The following TET2 variants were observed in gnomAD, a reference collection of about 807,000 sequenced individuals.
TET2 encodes tet methylcytosine dioxygenase 2, also known as methylcytosine dioxygenase TET2.
Under a neutral mutation model 142.9 loss-of-function variants are expected in TET2, and 299 were observed. The observed-to-expected ratio is 2.09, with a 90% CI of 1.90 to 2.30. The LOEUF (loss-of-function observed/expected upper bound fraction) is 2.30, where lower values mean the gene tolerates loss of function less well. Among genes scored for constraint, TET2 ranks in the 30% most tolerant of loss-of-function variants. TET2 has a pLI of 0.00. For missense variants in TET2, 2,418 were observed against 2,378.0 expected (o/e 1.02, Z -0.35); for synonymous variants, 819 against 849.0 (o/e 0.96, Z 0.61).
chr4:105,253,233 C>T (rs1729957409), intron 6 of TET2, among the ~76,000 whole-genome samples: 1 of 152,122 alleles, frequency 6.6e-6, no homozygotes, highest in Non-Finnish European at 1.5e-5. Flanking sequence ...CAAAATCTTG[C>T]AGGAATTTTG....
intron 1 of TET2, among the ~76,000 whole-genome samples, chr4:105,167,387 C>T (rs1283310629): frequency 1.3e-5 from 2 of 151,280 alleles, no homozygotes; most frequent in African/African-American, 2.4e-5. Flanking sequence ...TATACATATG[C>T]GTGTATATGT....
At chr4:105,214,301 ATTTTTTTTTT>A (rs35390923) in intron 2 of TET2, among the ~76,000 whole-genome samples, 3 of 86,034 alleles carry the variant, frequency 3.5e-5, no homozygotes, top group South Asian at 4.6e-4. Context: ...CCCGAGGGAG[ATTTTTTTTTT>A]TTTTTTTTTT....
chr4:105,180,615 C>T (rs1011904796), intron 1 of TET2, among the ~76,000 whole-genome samples: 5 of 151,596 alleles, frequency 3.3e-5, no homozygotes, highest in African/African-American at 4.9e-5. Flanking sequence ...CAGTATTTCA[C>T]GTTCTAATTG....
chr4:105,180,642 A>ATT (rs112365489), intron 1 of TET2, among the ~76,000 whole-genome samples: 6 of 146,874 alleles, frequency 4.1e-5, no homozygotes, highest in African/African-American at 1.5e-4. Context: ...CCATTTTATC[A>ATT]TTTTTTTTTT....
chr4:105,159,975 G>C (rs1430742205), intron 1 of TET2, among the ~76,000 whole-genome samples: 1 of 152,006 alleles, frequency 6.6e-6, no homozygotes, highest in African/African-American at 2.4e-5. Context: ...CTGCACTCCA[G>C]CCTGGCGACA....
At chr4:105,183,153 G>C (rs552275673) in intron 1 of TET2, among the ~76,000 whole-genome samples, 35 of 152,156 alleles carry the variant, frequency 2.3e-4, no homozygotes, top group African/African-American at 8.4e-4. Context: ...GTTTTAAATG[G>C]ATGCAATTAG....
chr4:105,147,220 C>G lies in TET2; in HGVS notation c.-193+241C>G, dbSNP rs577940658. ...TCTTCTCTCCTCCTAATGCTCGTCC[C>G]CTCATCTCCCAGAAAACTTACCTTT... is the stretch of plus-strand genomic sequence containing the variant. On this transcript the variant is annotated intron_variant, in intron 1 of 10. Transcript: ENST00000380013. Among the ~76,000 whole-genome samples, 4 of 152,372 alleles carry G rather than the reference C, an allele frequency of 2.6e-5. No individual in the cohort carries two copies. The South Asian group carries it at 8.3e-4, about 32-fold the overall frequency.
chr4:105,274,945 T>C (rs1444721147), intron 10 of TET2, 103 bp from the exon 11 acceptor site: 1 of 1,390,564 alleles, frequency 7.2e-7, no homozygotes, highest in African/African-American at 1.5e-5. Context: ...CGTATATCAC[T>C]AGTGGAGTTT....
intron 1 of TET2, among the ~76,000 whole-genome samples, chr4:105,155,017 C>G (rs115348879): frequency 0.031 from 4,679 of 151,648 alleles, 243 homozygotes; most frequent in African/African-American, 0.11. Flanking sequence ...AAAATGAGAC[C>G]CTCTCTCTCA....
intron 2 of TET2, among the ~76,000 whole-genome samples, chr4:105,222,654 A>G (rs1194941733): frequency 1.3e-5 from 2 of 152,062 alleles, no homozygotes; most frequent in Non-Finnish European, 2.9e-5. Flanking sequence ...ATTTTCTGCC[A>G]TTTTGTGGGT....
intron 6 of TET2, among the ~76,000 whole-genome samples, chr4:105,249,420 GT>G (rs1729753392): frequency 6.6e-6 from 1 of 152,194 alleles, no homozygotes; most frequent in Non-Finnish European, 1.5e-5. Context: ...CGGTGTACAA[GT>G]TTTTGTGTGA....
intron 1 of TET2, among the ~76,000 whole-genome samples, chr4:105,173,359 A>T (rs1724585380): frequency 7.4e-6 from 1 of 134,626 alleles, no homozygotes; most frequent in South Asian, 2.4e-4. Flanking sequence ...CTCTACTAAA[A>T]ATACAAAAAA....
intron 1 of TET2, among the ~76,000 whole-genome samples, chr4:105,163,800 A>C: frequency 7.8e-6 from 1 of 128,770 alleles, no homozygotes; most frequent in East Asian, 2.6e-4. Context: ...TGGAGCTCGA[A>C]AGTTTCGAGA....
Position 105,236,896 on chromosome 4 carries a change from C to CT in TET2, c.2955dup (p.Gly986TrpfsTer23). ...ATGCACAGGCCAATTAAGGTGGAAC[C>CT]TGGATGCAAGCCACATGCCTGTATG... is the stretch of plus-strand genomic sequence containing the variant. On this transcript the variant is annotated frameshift_variant, in exon 3 of 11. Coordinates refer to ENST00000380013, the MANE Select transcript of TET2 (RefSeq NM_001127208.3). LOFTEE classifies it high-confidence loss of function. The CT allele has an allele frequency of 6.2e-7, 1 of 1,614,114 alleles. No individual in the cohort carries two copies. The highest frequency in any genetic ancestry group is 8.5e-7 in the Non-Finnish European group (1 of 1,180,018).
chr4:105,178,310 G>A (rs897037886), intron 1 of TET2, among the ~76,000 whole-genome samples: 3 of 152,102 alleles, frequency 2.0e-5, no homozygotes. Flanking sequence ...AAACTTAAAT[G>A]CATATTATAA....
chr4:105,264,248 GTTATT>G (rs1261499471), intron 8 of TET2, among the ~76,000 whole-genome samples: 4 of 152,018 alleles, frequency 2.6e-5, no homozygotes, highest in African/African-American at 9.7e-5. Context: ...GATTAATACT[GTTATT>G]TTGTTTAGCT....
At chr4:105,231,311 C>A (rs1435556983) in intron 2 of TET2, among the ~76,000 whole-genome samples, 1 of 152,116 alleles carries the variant, frequency 6.6e-6, no homozygotes, top group Non-Finnish European at 1.5e-5. Context: ...AATTTGACAA[C>A]TATCTAAGAA....
At chr4:105,198,385 A>G (rs369110859) in intron 2 of TET2, among the ~76,000 whole-genome samples, 7 of 152,210 alleles carry the variant, frequency 4.6e-5, no homozygotes, top group African/African-American at 1.7e-4. Flanking sequence ...TTTTTGATTT[A>G]ACGAAGGTGT....
Position 105,272,903 on chromosome 4 carries a change from GC to G in TET2, c.4523del (p.Ala1508ValfsTer63). 1 of 1,533,336 alleles carries G rather than the reference GC, an allele frequency of 6.5e-7. No homozygotes were observed. The highest frequency in any genetic ancestry group is 8.8e-7 in the Non-Finnish European group (1 of 1,139,858). 95.0% of individuals were successfully genotyped at this position (1,533,336 alleles called of 1,614,324 possible). A position where few individuals can be genotyped will look rare whatever the true frequency, so the allele number is the denominator to read the frequency against. ...RTKQTENASQ[A>X]KQLAELLRLS... ...AAAACAAACTGAAAACGCAAGCCAG[GC>G]TAAACAGTTGGCAGGTAAATTTAAT... On this transcript the variant is annotated frameshift_variant, in exon 10 of 11. Transcript: ENST00000380013. LOFTEE classifies it low-confidence loss of function (END_TRUNC).
Sources: gnomAD v4.1 joint callset for allele counts (sites outside exome capture counted in the v4.1 genomes callset) on GRCh38, gnomAD v4.1.1 for gene constraint, MANE v1.5 for transcripts, NCBI Gene and HGNC (gene_info 2026-07-23, HGNC 2026-07-21) for gene names.